The following USP15 variants were observed in gnomAD, a reference collection of about 807,000 sequenced individuals.
The protein encoded by USP15 is ubiquitin specific peptidase 15, also known as ubiquitin carboxyl-terminal hydrolase 15.
In USP15, 18 loss-of-function variants were observed where a neutral mutation model predicts 127.1. That is an observed-to-expected ratio of 0.14 (90% CI 0.10 to 0.21). USP15 has a LOEUF of 0.21. USP15 is among the 10% of genes least tolerant of loss of function. The probability of loss-of-function intolerance (pLI) is 1.00; values close to 1 mark genes in which losing one functional copy is unlikely to be tolerated. For synonymous variants in USP15, 364 were observed against 393.7 expected, an observed-to-expected ratio of 0.92 and a Z score of 0.89; for missense variants, 805 against 1,159.9, an observed-to-expected ratio of 0.69 and a Z score of 4.44.
intron 6 of USP15, among the ~76,000 whole-genome samples, chr12:62,333,570 G>A (rs1182677042): frequency 6.6e-6 from 1 of 152,134 alleles, no homozygotes; most frequent in Non-Finnish European, 1.5e-5. Context: ...GGGATTACAA[G>A]TGTGAGCCAC....
At chr12:62,285,124 A>T (rs999688534) in intron 1 of USP15, among the ~76,000 whole-genome samples, 3 of 152,284 alleles carry the variant, frequency 2.0e-5, no homozygotes, top group Admixed American at 2.0e-4. Context: ...ATTTTTATAG[A>T]TTTAGGGACT....
At chr12:62,322,993 A>G (rs117836328) in intron 5 of USP15, among the ~76,000 whole-genome samples, 10 of 152,284 alleles carry the variant, frequency 6.6e-5, no homozygotes, top group East Asian at 5.8e-4. Flanking sequence ...AACCATCCAT[A>G]TAATAAAATT....
chr12:62,297,532 A>G (rs555719927), intron 2 of USP15, among the ~76,000 whole-genome samples: 33 of 151,160 alleles, frequency 2.2e-4, no homozygotes, highest in African/African-American at 8.1e-4. Flanking sequence ...GTAAGATACC[A>G]GAAGGAGGAA....
At chr12:62,289,249 G>T (rs561768794) in intron 1 of USP15, among the ~76,000 whole-genome samples, 81 of 124,838 alleles carry the variant, frequency 6.5e-4, no homozygotes, top group African/African-American at 2.3e-3. Context: ...GTTGTTGGGA[G>T]ATTTTCATCT....
chr12:62,413,907 A>G lies in USP15; in HGVS notation c.*9532A>G, dbSNP rs922248464. ...TCACTAAGCTCCAATCATTTATAGC[A>G]TTTGATTGAGAGAGAGAGAGAGATG... On this transcript the variant is annotated 3_prime_UTR_variant, in exon 22 of 22. Coordinates refer to ENST00000280377, the MANE Select transcript of USP15 (RefSeq NM_001252078.2). 1 of 152,150 alleles carries G rather than the reference A, an allele frequency of 6.6e-6. No homozygotes were observed. 9.4% of individuals were successfully genotyped at this position (152,150 alleles called of 1,614,324 possible).
intron 3 of USP15, among the ~76,000 whole-genome samples, chr12:62,309,343 C>CA (rs2064587524): frequency 6.6e-6 from 1 of 151,964 alleles, no homozygotes; most frequent in Non-Finnish European, 1.5e-5. Context: ...AATTTCTAGA[C>CA]AAACAGAACT....
chr12:62,349,071 T>C, intron 6 of USP15, 150 bp from the exon 7 acceptor site: 1 of 447,914 alleles, frequency 2.2e-6, no homozygotes, highest in Non-Finnish European at 3.8e-6. Flanking sequence ...ACATTCAAAA[T>C]TGAAAACCAA....
chr12:62,277,164 GATA>G (rs145288662), intron 1 of USP15, among the ~76,000 whole-genome samples: 33 of 152,238 alleles, frequency 2.2e-4, no homozygotes, highest in African/African-American at 7.9e-4. Flanking sequence ...TGCACCACTT[GATA>G]ATAACTCACA....
intron 3 of USP15, among the ~76,000 whole-genome samples, chr12:62,313,855 A>G (rs893685927): frequency 6.6e-5 from 10 of 151,784 alleles, no homozygotes; most frequent in African/African-American, 1.9e-4. Context: ...AATTTTTTCA[A>G]TGCAGTGAAA....
intron 20 of USP15, among the ~76,000 whole-genome samples, chr12:62,399,567 C>T (rs976092841): frequency 4.6e-5 from 7 of 152,286 alleles, no homozygotes; most frequent in Non-Finnish European, 7.4e-5. Context: ...TCGCATTCTT[C>T]AGCCATGTTG....
At chr12:62,313,082 T>C (rs978129620) in intron 3 of USP15, among the ~76,000 whole-genome samples, 2 of 151,586 alleles carry the variant, frequency 1.3e-5, no homozygotes, top group Non-Finnish European at 3.0e-5. Context: ...CTTATAAATA[T>C]AGTAGCAGTT....
chr12:62,362,860 G>C (rs1233493959), intron 8 of USP15, among the ~76,000 whole-genome samples: 1 of 152,128 alleles, frequency 6.6e-6, no homozygotes, highest in Non-Finnish European at 1.5e-5. Flanking sequence ...GAGAGCACCT[G>C]TTTTAAGCTG....
At chr12:62,268,163 A>G (rs539352240) in intron 1 of USP15, among the ~76,000 whole-genome samples, 47 of 152,220 alleles carry the variant, frequency 3.1e-4, no homozygotes, top group Non-Finnish European at 5.0e-4. Flanking sequence ...TATTCCAAAT[A>G]TATTACATAT....
At chr12:62,328,573 G>A in intron 6 of USP15, among the ~76,000 whole-genome samples, 1 of 152,236 alleles carries the variant, frequency 6.6e-6, no homozygotes, top group Admixed American at 6.5e-5. Context: ...GAAAATAAAA[G>A]ATTGTTATGT....
At chr12:62,285,147 T>C (rs2063754050) in intron 1 of USP15, among the ~76,000 whole-genome samples, 1 of 152,174 alleles carries the variant, frequency 6.6e-6, no homozygotes, top group African/African-American at 2.4e-5. Flanking sequence ...AAATGCAGTT[T>C]TGTTACATGG....
At position 62,337,359 on chromosome 12, in the gene USP15, A is replaced by G. The variant is rs1056335559; in HGVS notation, c.683+11426A>G. 1.1e-4 allele frequency among the ~76,000 whole-genome samples: 17 copies of G among 152,312 alleles called. No homozygotes were observed. In the East Asian group the frequency reaches 2.1e-3, roughly 19 times the overall value. On this transcript the variant is annotated intron_variant, in intron 6 of 21. Coordinates refer to ENST00000280377, the MANE Select transcript of USP15 (RefSeq NM_001252078.2). The stretch of plus-strand genomic sequence containing the variant: ...AGGTTTATTGGATTTACAGTTCCAC[A>G]TGGCTAGCGAGGCCTCACAATCATG...
At chr12:62,320,063 C>A (rs930091766) in intron 4 of USP15, among the ~76,000 whole-genome samples, 1 of 152,010 alleles carries the variant, frequency 6.6e-6, no homozygotes, top group African/African-American at 2.4e-5. Flanking sequence ...TATACATGTT[C>A]ACTTTAATAA....
intron 6 of USP15, among the ~76,000 whole-genome samples, chr12:62,333,429 T>A (rs1288824003): frequency 1.3e-5 from 2 of 152,018 alleles, no homozygotes; most frequent in Non-Finnish European, 1.5e-5. Flanking sequence ...CACACCTGGC[T>A]AATTTTTGGG....
At chr12:62,348,941 G>A (rs549677050) in intron 6 of USP15, among the ~76,000 whole-genome samples, 5 of 152,096 alleles carry the variant, frequency 3.3e-5, no homozygotes, top group African/African-American at 7.2e-5. Context: ...ACCTAAACTC[G>A]GAAATGGGTA....
Sources: gnomAD v4.1 joint callset for allele counts (sites outside exome capture counted in the v4.1 genomes callset) on GRCh38, gnomAD v4.1.1 for gene constraint, MANE v1.5 for transcripts, NCBI Gene and HGNC (gene_info 2026-07-23, HGNC 2026-07-21) for gene names.